The following IQSEC1 variants were observed in gnomAD, a reference collection of about 807,000 sequenced individuals.
IQSEC1 encodes IQ motif and Sec7 domain ArfGEF 1, also known as IQ motif and SEC7 domain-containing protein 1.
IQSEC1 carries 31 observed loss-of-function variants against 91.0 expected under a neutral mutation model. That is an observed-to-expected ratio of 0.34 (90% CI 0.26 to 0.46). The LOEUF is 0.46. IQSEC1 is among the 20% of genes least tolerant of loss of function. The probability of loss-of-function intolerance (pLI) is 1.00; values close to 1 mark genes in which losing one functional copy is unlikely to be tolerated. For missense variants in IQSEC1, 1,388 were observed against 1,575.6 expected (o/e 0.88, Z 2.02); for synonymous variants, 699 against 662.6 (o/e 1.05, Z -0.84).
At chr3:13,009,273 GCCACA>G (rs1702769565) in intron 1 of IQSEC1, among the ~76,000 whole-genome samples, 1 of 152,212 alleles carries the variant, frequency 6.6e-6, no homozygotes, top group Non-Finnish European at 1.5e-5. Context: ...TGCCCGGACT[GCCACA>G]CCTCTCCATG....
At chr3:13,100,068 A>G (rs2124825572) in intron 2 of IQSEC1, among the ~76,000 whole-genome samples, 1 of 147,814 alleles carries the variant, frequency 6.8e-6, no homozygotes, top group South Asian at 2.1e-4. Context: ...GGAGGATGGG[A>G]GGAGTCCGCT....
At chr3:13,105,301 G>A (rs1456339021) in intron 2 of IQSEC1, among the ~76,000 whole-genome samples, 1 of 151,952 alleles carries the variant, frequency 6.6e-6, no homozygotes, top group Non-Finnish European at 1.5e-5. Flanking sequence ...CTGGTCTCCT[G>A]ACCAGGCCTC....
intron 1 of IQSEC1, among the ~76,000 whole-genome samples, chr3:13,056,415 T>C (rs1319949502): frequency 1.3e-5 from 2 of 151,944 alleles, no homozygotes; most frequent in Non-Finnish European, 2.9e-5. Flanking sequence ...CCTTCCTGGG[T>C]TTTCAGCCTC....
intron 1 of IQSEC1, among the ~76,000 whole-genome samples, chr3:13,192,120 G>A (rs1694045532): frequency 6.6e-6 from 1 of 152,114 alleles, no homozygotes; most frequent in Non-Finnish European, 1.5e-5. Flanking sequence ...CGGATCACGA[G>A]GTCAGGAGAT....
chr3:13,000,742 G>A (rs1020239276), intron 1 of IQSEC1, among the ~76,000 whole-genome samples: 2 of 152,224 alleles, frequency 1.3e-5, no homozygotes, highest in African/African-American at 4.8e-5. Context: ...GGCTGAAGGA[G>A]GGCCAGTTGG....
At chr3:13,242,586 T>C (rs1209708409) in intron 1 of IQSEC1, among the ~76,000 whole-genome samples, 3 of 152,176 alleles carry the variant, frequency 2.0e-5, no homozygotes, top group Non-Finnish European at 2.9e-5. Flanking sequence ...CACAGTGTCT[T>C]CCTTAGGGGG....
At chr3:12,952,490 C>T (rs1259000646) in intron 1 of IQSEC1, among the ~76,000 whole-genome samples, 4 of 152,216 alleles carry the variant, frequency 2.6e-5, no homozygotes, top group Non-Finnish European at 1.5e-5. Context: ...CATGGCCTCT[C>T]CAGGCTCTTC....
At chr3:13,020,310 C>T (rs1481626260) in intron 1 of IQSEC1, among the ~76,000 whole-genome samples, 2 of 152,112 alleles carry the variant, frequency 1.3e-5, no homozygotes, top group East Asian at 3.9e-4. Flanking sequence ...TGAGCTCTGC[C>T]TCTCTCCTTT....
intron 1 of IQSEC1, among the ~76,000 whole-genome samples, chr3:12,977,499 G>C (rs1000497007): frequency 1.3e-5 from 2 of 152,208 alleles, no homozygotes; most frequent in African/African-American, 2.4e-5. Flanking sequence ...AAAAAATACA[G>C]AGAGAAAGCT....
intron 1 of IQSEC1, among the ~76,000 whole-genome samples, chr3:13,019,440 C>CT (rs1703300221): frequency 6.6e-6 from 1 of 152,336 alleles, no homozygotes; most frequent in East Asian, 1.9e-4. Flanking sequence ...ATGCGCTGTC[C>CT]GATCGCAACC....
chr3:13,187,233 G>A (rs898156392), intron 1 of IQSEC1, among the ~76,000 whole-genome samples: 1 of 152,182 alleles, frequency 6.6e-6, no homozygotes, highest in Admixed American at 6.5e-5. Flanking sequence ...CAAGGAGCTT[G>A]CAGTCTAGCT....
In IQSEC1 at chr3:13,215,130, C is replaced by G. The variant is rs1038414333; in HGVS notation, c.273-50997G>C. ...GAAGGTGACTCTTTACCACCAACCCCTCCCCTGTGCCAGGCTCCTGCAGTA... is the reference window on the plus strand; with the variant it reads ...GAAGGTGACTCTTTACCACCAACCCGTCCCCTGTGCCAGGCTCCTGCAGTA... On this transcript the variant is annotated intron_variant, in intron 1 of 15. Transcript: ENST00000648114. Among the ~76,000 whole-genome samples the G allele has an allele frequency of 2.6e-5, 4 of 152,100 alleles. No individual in the cohort carries two copies. The East Asian group carries it at 7.7e-4, about 29-fold the overall frequency.
At chr3:13,116,993 C>A (rs1461236097) in intron 2 of IQSEC1, among the ~76,000 whole-genome samples, 1 of 151,008 alleles carries the variant, frequency 6.6e-6, no homozygotes, top group African/African-American at 2.4e-5. Flanking sequence ...TGGGCTTCAT[C>A]AAAACTAAAA....
chr3:13,090,227 A>T (rs1163801071), intron 2 of IQSEC1, among the ~76,000 whole-genome samples: 1 of 131,538 alleles, frequency 7.6e-6, no homozygotes, highest in Non-Finnish European at 1.8e-5. Flanking sequence ...CAAAAAAAAT[A>T]AAACAACAAA....
chr3:12,957,904 G>C (rs747673286), intron 1 of IQSEC1, among the ~76,000 whole-genome samples: 6 of 152,180 alleles, frequency 3.9e-5, no homozygotes, highest in Admixed American at 3.9e-4. Flanking sequence ...GTCTACATTC[G>C]GCTCCACACT....
chr3:13,078,327 A>C (rs1705594855), upstream of IQSEC1, among the ~76,000 whole-genome samples: 1 of 152,176 alleles, frequency 6.6e-6, no homozygotes, highest in Non-Finnish European at 1.5e-5. Flanking sequence ...CATCATTAAA[A>C]AGTGGTGGCC....
At chr3:13,127,447 A>AC (rs201501469) in intron 2 of IQSEC1, among the ~76,000 whole-genome samples, 46,560 of 151,512 alleles carry the variant, frequency 0.31, 7,233 homozygotes, top group South Asian at 0.48. Flanking sequence ...ACAAACAAAA[A>AC]AAAAAAAACC....
Position 13,210,627 on chromosome 3 carries a change from C to T in IQSEC1, c.273-46494G>A, listed in dbSNP as rs186701462. Among the ~76,000 whole-genome samples, 55 of 152,318 alleles carry T rather than the reference C, an allele frequency of 3.6e-4. 1 individual carries two copies. The South Asian group carries it at 4.4e-3, about 12-fold the overall frequency. The stretch of plus-strand genomic sequence containing the variant: ...GATAAAGCCAGGCCCGTGGAAACTG[C>T]AGGCAGACACATGCCACAGCCACTG... On this transcript the variant is annotated intron_variant, in intron 1 of 15. Coordinates refer to the IQSEC1 transcript ENST00000648114.
chr3:13,069,255 C>A (rs1705336231), intron 1 of IQSEC1, among the ~76,000 whole-genome samples: 1 of 152,220 alleles, frequency 6.6e-6, no homozygotes, highest in Non-Finnish European at 1.5e-5. Context: ...CCCTGCATCT[C>A]TCTCGGTGGG....
Sources: gnomAD v4.1 joint callset for allele counts (sites outside exome capture counted in the v4.1 genomes callset) on GRCh38, gnomAD v4.1.1 for gene constraint, MANE v1.5 for transcripts, NCBI Gene and HGNC (gene_info 2026-07-23, HGNC 2026-07-21) for gene names.